The following PPP2R3A variants were observed in gnomAD, a reference collection of about 807,000 sequenced individuals.
The protein encoded by PPP2R3A is serine/threonine-protein phosphatase 2A regulatory subunit B'' subunit alpha.
PPP2R3A carries 80 observed loss-of-function variants against 106.9 expected under a neutral mutation model. The observed-to-expected ratio is 0.75, with a 90% confidence interval of 0.62 to 0.90. The LOEUF is 0.90. Ranked by LOEUF, PPP2R3A falls within the 40% of genes least tolerant of loss-of-function variation. The pLI is 0.00. For synonymous variants in PPP2R3A, 483 were observed against 468.3 expected (o/e 1.03, Z -0.41); for missense variants, 1,386 against 1,350.4 (o/e 1.03, Z -0.41).
At chr3:136,052,528 C>G (rs1189334462) in intron 5 of PPP2R3A, among the ~76,000 whole-genome samples, 1 of 152,126 alleles carries the variant, frequency 6.6e-6, no homozygotes, top group African/African-American at 2.4e-5. Flanking sequence ...TCCCTTCATC[C>G]TGCTCACAAC....
intron 13 of PPP2R3A, among the ~76,000 whole-genome samples, chr3:136,112,024 T>C (rs1441124984): frequency 6.6e-6 from 1 of 152,050 alleles, no homozygotes; most frequent in South Asian, 2.1e-4. Context: ...GTCACATGAA[T>C]AGAACAAAAA....
chr3:136,101,065 G>A (rs913119856), intron 10 of PPP2R3A, among the ~76,000 whole-genome samples: 8 of 152,160 alleles, frequency 5.3e-5, no homozygotes, highest in Admixed American at 1.3e-4. Flanking sequence ...GGAGAAAGGC[G>A]AAAGGAATCC....
chr3:136,092,659 G>A (rs1050676586), intron 10 of PPP2R3A, among the ~76,000 whole-genome samples: 3 of 152,142 alleles, frequency 2.0e-5, no homozygotes, highest in African/African-American at 4.8e-5. Context: ...TGTGGTACTC[G>A]TATCATGATG....
intron 5 of PPP2R3A, among the ~76,000 whole-genome samples, chr3:136,058,078 T>G (rs948652736): frequency 2.0e-5 from 3 of 152,034 alleles, no homozygotes; most frequent in Non-Finnish European, 4.4e-5. Context: ...ATAACAAAAA[T>G]GTGAACTAGG....
At chr3:136,013,811 T>C (rs1934177769) in intron 2 of PPP2R3A, among the ~76,000 whole-genome samples, 2 of 102,384 alleles carry the variant, frequency 2.0e-5, no homozygotes, top group South Asian at 6.5e-4. Flanking sequence ...TGGTTTGTTA[T>C]TTCTTTTGCT....
intron 1 of PPP2R3A, among the ~76,000 whole-genome samples, chr3:136,000,085 G>C (rs1274699194): frequency 1.3e-5 from 2 of 152,100 alleles, no homozygotes; most frequent in African/African-American, 4.8e-5. Context: ...CCTTCCTCTA[G>C]TCTTTCAGGT....
chr3:136,061,926 CAAAAAAAAA>C, intron 5 of PPP2R3A, among the ~76,000 whole-genome samples: 1 of 84,146 alleles, frequency 1.2e-5, no homozygotes, highest in Non-Finnish European at 2.5e-5. Context: ...GACTCTATCT[CAAAAAAAAA>C]AAAAAAAAAA....
intron 13 of PPP2R3A, among the ~76,000 whole-genome samples, chr3:136,114,678 G>A (rs1937672185): frequency 6.6e-6 from 1 of 152,200 alleles, no homozygotes; most frequent in African/African-American, 2.4e-5. Context: ...GAAGTTTGAA[G>A]TGGGAGCGCA....
intron 13 of PPP2R3A, among the ~76,000 whole-genome samples, chr3:136,119,455 T>G (rs1937907086): frequency 6.6e-6 from 1 of 152,180 alleles, no homozygotes; most frequent in South Asian, 2.1e-4. Flanking sequence ...AGAAAATTTT[T>G]GCAATCTATC....
At chr3:136,137,120 T>G (rs979713589) in intron 13 of PPP2R3A, among the ~76,000 whole-genome samples, 4 of 152,202 alleles carry the variant, frequency 2.6e-5, no homozygotes, top group Admixed American at 1.3e-4. Context: ...TAATTAACAT[T>G]CTTATGGTTT....
intron 8 of PPP2R3A, among the ~76,000 whole-genome samples, chr3:136,084,325 C>G (rs1936866748): frequency 6.6e-6 from 1 of 152,222 alleles, no homozygotes. Flanking sequence ...CAAACCCCAG[C>G]CCTTGGTGGC....
intron 1 of PPP2R3A, among the ~76,000 whole-genome samples, chr3:135,979,247 C>G (rs756175282): frequency 6.6e-6 from 1 of 151,422 alleles, no homozygotes; most frequent in Non-Finnish European, 1.5e-5. Flanking sequence ...GGTGTGATGG[C>G]ACACACCTGC....
At chr3:136,090,109 T>C (rs912782985) in intron 9 of PPP2R3A, among the ~76,000 whole-genome samples, 1 of 152,222 alleles carries the variant, frequency 6.6e-6, no homozygotes, top group Non-Finnish European at 1.5e-5. Flanking sequence ...TCTTGCTTGA[T>C]TGCTCTGGCT....
chr3:136,124,478 TG>T (rs1938110552), intron 13 of PPP2R3A, among the ~76,000 whole-genome samples: 1 of 151,978 alleles, frequency 6.6e-6, no homozygotes, highest in Admixed American at 6.6e-5. Context: ...ACTGAGACCT[TG>T]TCTCAAAAAA....
At chr3:135,999,816 C>G (rs1363820285) in intron 1 of PPP2R3A, among the ~76,000 whole-genome samples, 1 of 152,034 alleles carries the variant, frequency 6.6e-6, no homozygotes, top group African/African-American at 2.4e-5. Flanking sequence ...CTCTGTCACC[C>G]AGGCTGGAGT....
chr3:136,049,564 A>C (rs1206742845), intron 5 of PPP2R3A, among the ~76,000 whole-genome samples: 2 of 88,818 alleles, frequency 2.3e-5, no homozygotes, highest in Non-Finnish European at 4.4e-5. Flanking sequence ...AATGAAATCT[A>C]AAACAGAACC....
chr3:136,049,256 T>C lies in PPP2R3A; in HGVS notation c.2367-3T>C. The C allele has an allele frequency of 1.2e-6, 2 of 1,603,410 alleles. No individual in the cohort carries two copies. The highest frequency in any genetic ancestry group is 1.7e-6 in the Non-Finnish European group (2 of 1,173,200). On this transcript the variant is annotated splice_polypyrimidine_tract_variant and splice_region_variant and intron_variant, in intron 4 of 13. Coordinates refer to ENST00000264977, the MANE Select transcript of PPP2R3A (RefSeq NM_002718.5). ...TCTTCCTAAGCAGTTGTTTCTTTTA[T>C]AGGTTGCTGAATAACCATCATGATG...
At position 136,002,695 on chromosome 3, in the gene PPP2R3A, C is replaced by T. The variant is rs1440869534; in HGVS notation, c.1197C>T (p.Thr399=). The change falls in exon 2 of 14, where the codon ACC becomes ACT. Residue 399 remains threonine (T), a synonymous_variant. Coordinates refer to ENST00000264977, the MANE Select transcript of PPP2R3A (RefSeq NM_002718.5). The stretch of plus-strand genomic sequence containing the variant: ...TCCAGGTCCAATCACAGTCATTAAC[C>T]ATGAATCCTTTAGAAAATGTTTCTT... ...KAVQVQSQSL[T]MNPLENVSSD... is the part of the protein sequence containing the mutation. The T allele has an allele frequency of 1.2e-6, 2 of 1,613,250 alleles. No homozygotes were observed.
intron 1 of PPP2R3A, among the ~76,000 whole-genome samples, chr3:135,968,252 A>G (rs955223755): frequency 1.3e-5 from 2 of 152,256 alleles, no homozygotes; most frequent in African/African-American, 4.8e-5. Context: ...TGACAGATGT[A>G]TACATGCATA....
Sources: allele counts gnomAD v4.1 joint callset (sites outside exome capture counted in the v4.1 genomes callset), GRCh38; gene constraint gnomAD v4.1.1; transcripts MANE v1.5; gene names NCBI Gene and HGNC (gene_info 2026-07-23, HGNC 2026-07-21).